RNF169: variants seen among roughly 807,000 people sequenced by gnomAD.
RNF169 encodes the protein E3 ubiquitin-protein ligase RNF169.
In RNF169, 24 loss-of-function variants were observed where a neutral mutation model predicts 53.9. The observed-to-expected ratio is 0.45, with a 90% CI of 0.32 to 0.63. The LOEUF (loss-of-function observed/expected upper bound fraction) is 0.63, where lower values mean the gene tolerates loss of function less well. Ranked by LOEUF, RNF169 falls within the 20% of genes least tolerant of loss-of-function variation. RNF169 has a pLI of 0.04. For missense variants in RNF169, 883 were observed against 906.2 expected, an observed-to-expected ratio of 0.97 and a Z score of 0.33; for synonymous variants, 396 against 363.5, an observed-to-expected ratio of 1.09 and a Z score of -1.02.
At position 74,837,818 on chromosome 11, in the gene RNF169, A is replaced by C. The variant is rs2036280009; in HGVS notation, c.*1088A>C. 2 of 151,998 alleles carry C rather than the reference A, an allele frequency of 1.3e-5. No individual in the cohort carries two copies. The highest frequency in any genetic ancestry group is 2.9e-5 in the Non-Finnish European group (2 of 67,990). 9.4% of individuals were successfully genotyped at this position (151,998 alleles called of 1,614,324 possible). A position where few individuals can be genotyped will look rare whatever the true frequency, so the allele number is the denominator to read the frequency against. On this transcript the variant is annotated 3_prime_UTR_variant, in exon 6 of 6. Transcript: ENST00000299563. Reference sequence around the variant, plus strand: ...GCAGCTGGTAAATTCAGTCCCATGGACCTTTGGGGGTTTATTTTCCTTAGC... The same window carrying C: ...GCAGCTGGTAAATTCAGTCCCATGGCCCTTTGGGGGTTTATTTTCCTTAGC...
intron 1 of RNF169, among the ~76,000 whole-genome samples, chr11:74,780,838 G>T (rs1015589747): frequency 5.3e-5 from 8 of 152,194 alleles, no homozygotes; most frequent in African/African-American, 1.7e-4. Flanking sequence ...AAATGAGAGT[G>T]CAGCTATTAA....
chr11:74,788,348 A>G lies in RNF169; in HGVS notation c.503-1278A>G, dbSNP rs953840126. Among the ~76,000 whole-genome samples, 13 of 151,758 alleles carry G rather than the reference A, an allele frequency of 8.6e-5. No homozygotes were observed. The South Asian group carries it at 1.0e-3, about 12-fold the overall frequency. On this transcript the variant is annotated intron_variant, in intron 1 of 5. Coordinates refer to ENST00000299563, the MANE Select transcript of RNF169 (RefSeq NM_001098638.2). ...ACGACCACATTAATTTTATTGTTCA[A>G]TTTTTCTGTATTTTTGCCACCTTTT... is the stretch of plus-strand genomic sequence containing the variant.
At chr11:74,787,669 G>A (rs1297744340) in intron 1 of RNF169, among the ~76,000 whole-genome samples, 1 of 152,074 alleles carries the variant, frequency 6.6e-6, no homozygotes, top group African/African-American at 2.4e-5. Flanking sequence ...AAAGAGGTGT[G>A]AGGAAATGGC....
intron 5 of RNF169, among the ~76,000 whole-genome samples, chr11:74,835,205 A>G (rs911187491): frequency 7.9e-5 from 12 of 152,124 alleles, no homozygotes; most frequent in Non-Finnish European, 7.4e-5. Flanking sequence ...GGCTGGTCTC[A>G]AAGTAATACA....
At chr11:74,777,834 T>C (rs1012399003) in intron 1 of RNF169, among the ~76,000 whole-genome samples, 3 of 152,130 alleles carry the variant, frequency 2.0e-5, no homozygotes, top group Non-Finnish European at 4.4e-5. Context: ...CATTATGTTG[T>C]CTGGGCTGGT....
intron 2 of RNF169, among the ~76,000 whole-genome samples, chr11:74,798,606 T>C (rs900274462): frequency 6.6e-6 from 1 of 152,194 alleles, no homozygotes; most frequent in Non-Finnish European, 1.5e-5. Context: ...CCTTGTGATA[T>C]TCTATTACCC....
intron 3 of RNF169, among the ~76,000 whole-genome samples, chr11:74,815,665 A>G (rs2035933727): frequency 6.6e-6 from 1 of 152,204 alleles, no homozygotes; most frequent in Non-Finnish European, 1.5e-5. Flanking sequence ...AGCACTTATT[A>G]CTTGTTAGTT....
chr11:74,827,620 T>C (rs1008923367), intron 4 of RNF169, among the ~76,000 whole-genome samples: 3 of 152,180 alleles, frequency 2.0e-5, no homozygotes, highest in African/African-American at 7.2e-5. Flanking sequence ...CAAGATGAGA[T>C]TTGGGTGGGG....
At chr11:74,813,936 C>T (rs1591422621) in intron 3 of RNF169, among the ~76,000 whole-genome samples, 5 of 152,230 alleles carry the variant, frequency 3.3e-5, no homozygotes, top group Middle Eastern at 3.4e-3. Context: ...GTGATCCGCC[C>T]GCCTCAGCCT....
chr11:74,837,884 G>A lies in RNF169; in HGVS notation c.*1154G>A, dbSNP rs1477627276. ...TCTTTTGCATCCCTGGTGGTGCTTG[G>A]TGCTTCTGCCCATCTGGGCTCATTG... On this transcript the variant is annotated 3_prime_UTR_variant, in exon 6 of 6. Coordinates refer to ENST00000299563, the MANE Select transcript of RNF169 (RefSeq NM_001098638.2). The A allele has an allele frequency of 1.3e-5, 2 of 152,150 alleles. No homozygotes were observed. Among genetic ancestry groups the A allele is most frequent in the Non-Finnish European group, 2.9e-5 (2 of 68,018 alleles). 9.4% of individuals were successfully genotyped at this position (152,150 alleles called of 1,614,324 possible).
rs78739401 is a variant in RNF169 at position 74,804,314 on chromosome 11, G to A, written c.577-5870G>A. Among the ~76,000 whole-genome samples the A allele has an allele frequency of 2.6e-3, 395 of 152,228 alleles. 1 individual carries two copies. The highest frequency in any genetic ancestry group is 9.2e-3 in the African/African-American group (380 of 41,508). On this transcript the variant is annotated intron_variant, in intron 2 of 5. Coordinates refer to ENST00000299563, the MANE Select transcript of RNF169 (RefSeq NM_001098638.2). ...CTGTAACCCTGAACTGGAATAAATA[G>A]GTTAGGAAACGAGTGAATAAATGAG...
chr11:74,774,300 GAC>G (rs1259383971), intron 1 of RNF169, among the ~76,000 whole-genome samples: 1 of 149,902 alleles, frequency 6.7e-6, no homozygotes, highest in African/African-American at 2.5e-5. Context: ...GAGCCGAGAT[GAC>G]ACTACTGCAG....
intron 4 of RNF169, chr11:74,830,717 A>G (rs2036165489): frequency 6.6e-6 from 1 of 152,204 alleles, no homozygotes; most frequent in Non-Finnish European, 1.5e-5. Flanking sequence ...CACATATTTC[A>G]TAAGAAAAGT....
intron 1 of RNF169, among the ~76,000 whole-genome samples, chr11:74,765,912 A>G (rs12276547): frequency 0.012 from 1,768 of 152,240 alleles, 47 homozygotes; most frequent in African/African-American, 0.04. Flanking sequence ...AGTAGAAGAT[A>G]GGAAAGAATA....
intron 1 of RNF169, among the ~76,000 whole-genome samples, chr11:74,775,797 G>T (rs2035324912): frequency 6.6e-6 from 1 of 152,094 alleles, no homozygotes; most frequent in Non-Finnish European, 1.5e-5. Flanking sequence ...CATTTCACTG[G>T]ATTAAAGTTA....
intron 1 of RNF169, among the ~76,000 whole-genome samples, chr11:74,765,966 G>A (rs775215234): frequency 1.3e-5 from 2 of 151,862 alleles, no homozygotes; most frequent in African/African-American, 4.8e-5. Flanking sequence ...AATTAGCAAG[G>A]CCAAAATCTA....
chr11:74,791,391 C>T (rs114734214), intron 2 of RNF169, among the ~76,000 whole-genome samples: 1,935 of 152,316 alleles, frequency 0.013, 47 homozygotes, highest in African/African-American at 0.044. Flanking sequence ...CTGCCCCTTT[C>T]TGCCCAGGAG....
At chr11:74,791,227 T>C (rs1342143433) in intron 2 of RNF169, among the ~76,000 whole-genome samples, 1 of 152,164 alleles carries the variant, frequency 6.6e-6, no homozygotes, top group African/African-American at 2.4e-5. Flanking sequence ...GGAGTCTGGC[T>C]GAGTCCAGGG....
chr11:74,825,222 AAT>A (rs1413259214), intron 4 of RNF169, among the ~76,000 whole-genome samples: 1 of 152,224 alleles, frequency 6.6e-6, no homozygotes, highest in African/African-American at 2.4e-5. Context: ...AACAAGTCTC[AAT>A]ATATTTTAAA....
Sources: gnomAD v4.1 joint callset for allele counts (sites outside exome capture counted in the v4.1 genomes callset) on GRCh38, gnomAD v4.1.1 for gene constraint, MANE v1.5 for transcripts, NCBI Gene and HGNC (gene_info 2026-07-23, HGNC 2026-07-21) for gene names.